The following TP53BP1 variants were observed in gnomAD, a reference collection of about 807,000 sequenced individuals.
TP53BP1 encodes the protein TP53-binding protein 1.
Under a neutral mutation model 200.8 loss-of-function variants are expected in TP53BP1, and 61 were observed. That is an observed-to-expected ratio of 0.30 (90% CI 0.25 to 0.38). The LOEUF is 0.38. Among genes scored for constraint, TP53BP1 ranks in the 10% least tolerant of loss-of-function variants. The probability of loss-of-function intolerance (pLI) is 1.00; values close to 1 mark genes in which losing one functional copy is unlikely to be tolerated. For missense variants in TP53BP1, 2,144 were observed against 2,371.9 expected, an observed-to-expected ratio of 0.90 and a Z score of 2.00; for synonymous variants, 822 against 844.3, an observed-to-expected ratio of 0.97 and a Z score of 0.46.
chr15:43,443,337 G>C (rs1313720736), intron 14 of TP53BP1, among the ~76,000 whole-genome samples: 1 of 152,028 alleles, frequency 6.6e-6, no homozygotes, highest in Non-Finnish European at 1.5e-5. Context: ...ATAGTTTTTA[G>C]AGCACCCACA....
intron 12 of TP53BP1, among the ~76,000 whole-genome samples, chr15:43,448,170 TATTAA>T (rs1476613270): frequency 3.9e-5 from 6 of 152,178 alleles, no homozygotes; most frequent in Non-Finnish European, 8.8e-5. Flanking sequence ...ACATTTTAGT[TATTAA>T]ATTATTATAA....
At chr15:43,509,235 A>C (rs534643398) in intron 1 of TP53BP1, among the ~76,000 whole-genome samples, 2 of 127,782 alleles carry the variant, frequency 1.6e-5, no homozygotes, top group African/African-American at 6.5e-5. Flanking sequence ...CTCATGTGTC[A>C]TAGTCATGAG....
chr15:43,407,925 A>T lies in TP53BP1; in HGVS notation c.5746+18T>A. The T allele has an allele frequency of 1.2e-6, 2 of 1,606,522 alleles. No individual in the cohort carries two copies. Among genetic ancestry groups the T allele is most frequent in the Non-Finnish European group, 1.7e-6 (2 of 1,178,582 alleles). On this transcript the variant is annotated intron_variant, in intron 27 of 27. Transcript: ENST00000382044. ...GAGATCCCTGGAACAAAGACACTAC[A>T]CACACTCTTTCAGGTACCTTTGTTA... is the stretch of plus-strand genomic sequence containing the variant.
At chr15:43,493,192 C>G (rs2079154403), upstream of TP53BP1, 3 of 1,465,700 alleles carry the variant, frequency 2.0e-6, no homozygotes, top group African/African-American at 2.8e-5. Flanking sequence ...ATCGGATCGT[C>G]CATTCGCTGC....
Position 43,405,116 on chromosome 15 carries a change from G to T in TP53BP1, c.*2267C>A, listed in dbSNP as rs1273765155. 4 of 1,474,070 alleles carry T rather than the reference G, an allele frequency of 2.7e-6. No homozygotes were observed. Among genetic ancestry groups the T allele is most frequent in the Non-Finnish European group, 3.8e-6 (4 of 1,056,746 alleles). 91.3% of individuals were successfully genotyped at this position (1,474,070 alleles called of 1,614,324 possible). On this transcript the variant is annotated 3_prime_UTR_variant, in exon 28 of 28. Transcript: ENST00000382044. ...TTCAGTTTTAAGATGACATTATTTA[G>T]ATCACAGGTTATCCTGATTCATATT...
At chr15:43,453,600 C>G (rs1263032611) in intron 12 of TP53BP1, among the ~76,000 whole-genome samples, 3 of 148,068 alleles carry the variant, frequency 2.0e-5, no homozygotes, top group African/African-American at 7.5e-5. Context: ...TTTTTTGAGG[C>G]GGAGTCTCAT....
intron 4 of TP53BP1, among the ~76,000 whole-genome samples, chr15:43,483,726 G>A (rs2079007174): frequency 6.6e-6 from 1 of 152,180 alleles, no homozygotes; most frequent in Non-Finnish European, 1.5e-5. Flanking sequence ...AAATGACTTT[G>A]GGAAACAGAG....
intron 25 of TP53BP1, 197 bp downstream of exon 25, chr15:43,409,450 A>C (rs1055671062): frequency 7.7e-5 from 41 of 534,950 alleles, no homozygotes; most frequent in Admixed American, 7.1e-4. Context: ...GCCATTAACT[A>C]ACCCAAGGTC....
At chr15:43,502,458 T>G (rs745535173) in intron 1 of TP53BP1, among the ~76,000 whole-genome samples, 28 of 151,866 alleles carry the variant, frequency 1.8e-4, no homozygotes, top group South Asian at 4.2e-4. Flanking sequence ...CTCATGTTTG[T>G]TTTTTTTCTC....
intron 24 of TP53BP1, 23 bp from the exon 25 acceptor site, chr15:43,409,764 G>C (rs2045051993): frequency 8.2e-7 from 1 of 1,221,726 alleles, no homozygotes; most frequent in Non-Finnish European, 1.1e-6. Context: ...AAAAAACCAA[G>C]ATAATAATTA....
intron 11 of TP53BP1, among the ~76,000 whole-genome samples, chr15:43,465,306 C>G: frequency 6.6e-6 from 1 of 151,986 alleles, no homozygotes; most frequent in East Asian, 1.9e-4. Flanking sequence ...GAAATTAGAT[C>G]ATGGTGATGG....
chr15:43,425,976 A>G (rs995507590), intron 18 of TP53BP1, among the ~76,000 whole-genome samples: 1 of 151,278 alleles, frequency 6.6e-6, no homozygotes, highest in African/African-American at 2.4e-5. Flanking sequence ...GAGGCAGGAG[A>G]ATGGCGTGAA....
At chr15:43,480,557 G>A (rs571103078) in intron 5 of TP53BP1, among the ~76,000 whole-genome samples, 25 of 152,114 alleles carry the variant, frequency 1.6e-4, no homozygotes, top group Non-Finnish European at 3.4e-4. Flanking sequence ...AGGAGACTAC[G>A]TCTGCTTTCT....
At chr15:43,504,083 G>A (rs552050766) in intron 1 of TP53BP1, among the ~76,000 whole-genome samples, 3 of 151,620 alleles carry the variant, frequency 2.0e-5, no homozygotes, top group South Asian at 4.2e-4. Context: ...CTAGGAGTTC[G>A]AGACCAGCCT....
intron 27 of TP53BP1, 130 bp downstream of exon 27, chr15:43,407,813 G>GTACTT: frequency 1.0e-6 from 1 of 977,232 alleles, no homozygotes; most frequent in Non-Finnish European, 1.5e-6. Flanking sequence ...CTTGAAGGTG[G>GTACTT]TACTTTTCTT....
At chr15:43,433,796 C>A (rs1036769725) in intron 16 of TP53BP1, among the ~76,000 whole-genome samples, 1 of 152,058 alleles carries the variant, frequency 6.6e-6, no homozygotes, top group African/African-American at 2.4e-5. Context: ...ACATGAAGGA[C>A]GATAAGGGGC....
chr15:43,427,895 TG>T (rs1397607827), intron 18 of TP53BP1, 120 bp downstream of exon 18: 1 of 691,138 alleles, frequency 1.4e-6, no homozygotes, highest in Non-Finnish European at 2.4e-6. Flanking sequence ...AGGCAGAGGC[TG>T]CAGTGAAACA....
chr15:43,444,590 C>A (rs747047826), intron 14 of TP53BP1, among the ~76,000 whole-genome samples: 1 of 152,220 alleles, frequency 6.6e-6, no homozygotes, highest in South Asian at 2.1e-4. Flanking sequence ...TTAGGGAAGG[C>A]GCTCAACCTT....
In TP53BP1 at chr15:43,420,248, G is replaced by A. The variant is rs2045363150; in HGVS notation, c.4681+57C>T. 3.4e-6 allele frequency: 5 copies of A among 1,479,712 alleles called. No homozygotes were observed. The South Asian group carries it at 6.1e-5, about 18-fold the overall frequency. 91.7% of individuals were successfully genotyped at this position (1,479,712 alleles called of 1,614,324 possible). A position where few individuals can be genotyped will look rare whatever the true frequency, so the allele number is the denominator to read the frequency against. Reference sequence around the variant, plus strand: ...TGTCTTGGTAACTACTAACATAACAGAGTATTATTGCCCCAAGGCACAAAA... The same window carrying A: ...TGTCTTGGTAACTACTAACATAACAAAGTATTATTGCCCCAAGGCACAAAA... On this transcript the variant is annotated intron_variant, in intron 21 of 27. Coordinates refer to ENST00000382044, the MANE Select transcript of TP53BP1 (RefSeq NM_001141980.3).
Sources: gnomAD v4.1 joint callset for allele counts (sites outside exome capture counted in the v4.1 genomes callset) on GRCh38, gnomAD v4.1.1 for gene constraint, MANE v1.5 for transcripts, NCBI Gene and HGNC (gene_info 2026-07-23, HGNC 2026-07-21) for gene names.